ELMOD1: variants seen among roughly 807,000 people sequenced by gnomAD.
ELMOD1 encodes the protein ELMO domain containing 1.
A neutral mutation model predicts 46.7 loss-of-function variants in ELMOD1; 21 were observed. The ratio of observed to expected loss-of-function variants is 0.45; its 90% CI spans 0.32 to 0.65. ELMOD1 has a LOEUF of 0.65. Among genes scored for constraint, ELMOD1 ranks in the 30% least tolerant of loss-of-function variants. The probability of loss-of-function intolerance (pLI) is 0.04; values close to 1 mark genes in which losing one functional copy is unlikely to be tolerated. For synonymous variants in ELMOD1, 122 were observed against 138.2 expected, an observed-to-expected ratio of 0.88 and a Z score of 0.82; for missense variants, 348 against 407.8, an observed-to-expected ratio of 0.85 and a Z score of 1.26.
At chr11:107,599,741 AAAAAAAAAAAGAAAAAAAGAAAAG>A (rs1865559692) in intron 1 of ELMOD1, among the ~76,000 whole-genome samples, 1 of 50,964 alleles carries the variant, frequency 2.0e-5, no homozygotes, top group African/African-American at 9.0e-5. Flanking sequence ...GACCTGTCTC[AAAAAAAAAAAGAAAAAAAGAAAAG>A]AAAAAAAAAA....
At chr11:107,658,761 C>T (rs1043992019) in intron 11 of ELMOD1, among the ~76,000 whole-genome samples, 2 of 152,162 alleles carry the variant, frequency 1.3e-5, no homozygotes, top group East Asian at 1.9e-4. Context: ...AGGGTGAAAC[C>T]CTGTCTCTAT....
chr11:107,652,320 T>C (rs993668373), intron 9 of ELMOD1, among the ~76,000 whole-genome samples: 1 of 152,242 alleles, frequency 6.6e-6, no homozygotes, highest in Admixed American at 6.5e-5. Context: ...ATTACTGCTC[T>C]TGTAAACATC....
intron 2 of ELMOD1, among the ~76,000 whole-genome samples, chr11:107,622,307 T>C (rs1274945018): frequency 6.6e-6 from 1 of 152,006 alleles, no homozygotes; most frequent in Non-Finnish European, 1.5e-5. Context: ...TGGTCCAAGT[T>C]TGTTAGATGT....
chr11:107,633,583 C>T (rs866397401), intron 5 of ELMOD1, among the ~76,000 whole-genome samples: 3 of 152,078 alleles, frequency 2.0e-5, no homozygotes, highest in Non-Finnish European at 2.9e-5. Context: ...CAGGCACGTG[C>T]CACCACATCT....
chr11:107,660,411 G>T (rs1034484602), intron 11 of ELMOD1, among the ~76,000 whole-genome samples: 3 of 152,198 alleles, frequency 2.0e-5, no homozygotes, highest in Non-Finnish European at 4.4e-5. Flanking sequence ...TCAGTCTAAA[G>T]CTCCACTGAA....
At chr11:107,592,089 G>A (rs370343656) in intron 1 of ELMOD1, 25 of 400,568 alleles carry the variant, frequency 6.2e-5, no homozygotes, top group African/African-American at 4.2e-4. Flanking sequence ...GGTGGGGTGA[G>A]CTGTTGTGGG....
intron 6 of ELMOD1, chr11:107,643,568 A>C (rs1866364181): frequency 5.8e-6 from 3 of 519,200 alleles, no homozygotes; most frequent in Non-Finnish European, 1.2e-5. Context: ...CACACAAAGA[A>C]AACTCCATTG....
intron 11 of ELMOD1, among the ~76,000 whole-genome samples, chr11:107,663,627 TG>T (rs1866784271): frequency 6.6e-6 from 1 of 152,144 alleles, no homozygotes; most frequent in African/African-American, 2.4e-5. Context: ...GAAGGGTCTG[TG>T]GAAGTGGACC....
intron 5 of ELMOD1, among the ~76,000 whole-genome samples, chr11:107,632,236 A>C (rs1311057132): frequency 1.3e-5 from 2 of 152,258 alleles, no homozygotes; most frequent in Admixed American, 1.3e-4. Context: ...TGTTCGTGAC[A>C]TTTAAAATTA....
chr11:107,665,211 T>C lies in ELMOD1; in HGVS notation c.*14T>C. On this transcript the variant is annotated 3_prime_UTR_variant, in exon 12 of 12. Coordinates refer to ENST00000265840, the MANE Select transcript of ELMOD1 (RefSeq NM_018712.4). ...ATCAACATGTAGTTGCCCACGCCGG[T>C]TTTAATGGATACCCTGGAACACTGC... The C allele has an allele frequency of 6.2e-7, 1 of 1,612,680 alleles. No individual in the cohort carries two copies. Among genetic ancestry groups the C allele is most frequent in the Non-Finnish European group, 8.5e-7 (1 of 1,179,146 alleles).
At chr11:107,591,752 G>A (rs975172983) in intron 1 of ELMOD1, 7 of 443,580 alleles carry the variant, frequency 1.6e-5, no homozygotes, top group South Asian at 6.6e-5. Context: ...CCCAGACAGA[G>A]CCAAAATGGA....
intron 10 of ELMOD1, among the ~76,000 whole-genome samples, chr11:107,655,011 G>T (rs1178131307): frequency 1.3e-5 from 2 of 152,010 alleles, no homozygotes; most frequent in African/African-American, 2.4e-5. Context: ...TATACACTGT[G>T]TTAAGATCCT....
chr11:107,643,524 G>T, intron 6 of ELMOD1: 1 of 469,324 alleles, frequency 2.1e-6, no homozygotes, highest in Non-Finnish European at 4.3e-6. Flanking sequence ...GTCTAGTATA[G>T]TCTGTAGTAG....
At chr11:107,645,545 G>C (rs571589290) in intron 6 of ELMOD1, among the ~76,000 whole-genome samples, 1 of 151,280 alleles carries the variant, frequency 6.6e-6, no homozygotes, top group Non-Finnish European at 1.5e-5. Context: ...GGCTGGTCTC[G>C]AACTCCTGAC....
At chr11:107,657,936 T>C (rs1866662825) in intron 11 of ELMOD1, among the ~76,000 whole-genome samples, 1 of 152,154 alleles carries the variant, frequency 6.6e-6, no homozygotes, top group South Asian at 2.1e-4. Context: ...TGAGAAGACA[T>C]TGGCATATAT....
chr11:107,652,211 G>A (rs1288456291), intron 9 of ELMOD1, among the ~76,000 whole-genome samples: 1 of 152,192 alleles, frequency 6.6e-6, no homozygotes, highest in African/African-American at 2.4e-5. Context: ...TATCAACGTA[G>A]GTTCTGTCAA....
intron 6 of ELMOD1, chr11:107,642,745 A>G (rs933834952): frequency 3.1e-5 from 5 of 160,950 alleles, no homozygotes; most frequent in Admixed American, 1.3e-4. Flanking sequence ...TTTTCCCATT[A>G]TAAAAGGCAA....
intron 2 of ELMOD1, chr11:107,620,439 A>G (rs1390414969): frequency 6.6e-6 from 1 of 152,268 alleles, no homozygotes; most frequent in Non-Finnish European, 1.5e-5. Context: ...CAAAAATTAC[A>G]TGAAATATAA....
In ELMOD1 at chr11:107,618,503, C is replaced by T. The variant is rs899595865; in HGVS notation, c.17+297C>T. On this transcript the variant is annotated intron_variant, in intron 2 of 11. Coordinates refer to ENST00000265840, the MANE Select transcript of ELMOD1 (RefSeq NM_018712.4). ...CTCTGCACAGTGGTACACCGCTGGC[C>T]TGAAAGGTTTAAGGAAATAGCTGTC... is the stretch of plus-strand genomic sequence containing the variant. Among the ~76,000 whole-genome samples the T allele has an allele frequency of 1.4e-4, 21 of 152,188 alleles. 1 individual carries two copies. The highest frequency in any genetic ancestry group is 2.9e-4 in the Non-Finnish European group (20 of 68,032).
Sources: gnomAD v4.1 joint callset for allele counts (sites outside exome capture counted in the v4.1 genomes callset) on GRCh38, gnomAD v4.1.1 for gene constraint, MANE v1.5 for transcripts, NCBI Gene and HGNC (gene_info 2026-07-23, HGNC 2026-07-21) for gene names.